The following ATAD3B variants were observed in gnomAD, a reference collection of about 807,000 sequenced individuals.
ATAD3B encodes the protein ATPase family AAA domain-containing protein 3B.
Under a neutral mutation model 70.2 loss-of-function variants are expected in ATAD3B, and 59 were observed. That is an observed-to-expected ratio of 0.84 (90% CI 0.68 to 1.04). ATAD3B has a LOEUF of 1.04. Ranked by LOEUF, ATAD3B falls within the 50% of genes least tolerant of loss-of-function variation. The probability of loss-of-function intolerance (pLI) is 0.00; values close to 1 mark genes in which losing one functional copy is unlikely to be tolerated. For missense variants in ATAD3B, 961 were observed against 913.4 expected, an observed-to-expected ratio of 1.05 and a Z score of -0.67; for synonymous variants, 423 against 388.6, an observed-to-expected ratio of 1.09 and a Z score of -1.04.
chr1:1,505,763 G>T, the ATAD3B span, among the ~76,000 whole-genome samples: 4 of 152,128 alleles, frequency 2.6e-5, no homozygotes, highest in African/African-American at 9.7e-5. Context: ...CCTAGATTAT[G>T]ATTATAGAGC....
Position 1,477,331 on chromosome 1 carries a change from A to T in ATAD3B, c.263A>T (p.Glu88Val). 6.2e-7 allele frequency: 1 copy of T among 1,612,224 alleles called. No individual in the cohort carries two copies. Among genetic ancestry groups the T allele is most frequent in the East Asian group, 2.2e-5 (1 of 44,884 alleles). ...ATGCAGGAGCAGACGCTGCAGTTGG[A>T]GCAACAGTCCAAGCTCAAAGTGAGT... The part of the protein sequence containing the change: ...AQMQEQTLQL[E>V]QQSKLKEYEA... The change falls in exon 2 of 16, where the codon GAG becomes GTG. Residue 88 changes from glutamate to valine, a missense_variant. By Grantham distance (121) the Glu-to-Val change is moderately radical. This residue lies in a region of ATAD3B where 187 missense variants were observed against 244.3 expected (regional missense o/e 0.77). Coordinates refer to ENST00000673477, the MANE Select transcript of ATAD3B (RefSeq NM_031921.6).
At chr1:1,483,588 A>C (rs1054327192) in intron 7 of ATAD3B, 1 of 163,288 alleles carries the variant, frequency 6.1e-6, no homozygotes, top group Non-Finnish European at 1.3e-5. Flanking sequence ...CCTGGCCAAC[A>C]TGGTGAAAAC....
Position 1,496,209 on chromosome 1 carries a change from T to C in ATAD3B, c.*392T>C, listed in dbSNP as rs1324855133. Reference sequence around the variant, plus strand: ...AAGTCCCACAGGTGCCTCACCGCCGTGTCTCTCTATTGACTGACACTGCTC... The same window carrying C: ...AAGTCCCACAGGTGCCTCACCGCCGCGTCTCTCTATTGACTGACACTGCTC... On this transcript the variant is annotated 3_prime_UTR_variant, in exon 16 of 16. Coordinates refer to ENST00000673477, the MANE Select transcript of ATAD3B (RefSeq NM_031921.6). 1 of 1,012,670 alleles carries C rather than the reference T, an allele frequency of 9.9e-7. No individual in the cohort carries two copies. The highest frequency in any genetic ancestry group is 1.7e-5 in the African/African-American group (1 of 58,214). The allele number at this position is 1,012,670 out of a possible 1,614,324, so 62.7% of individuals were successfully genotyped here. A position where few individuals can be genotyped will look rare whatever the true frequency, so the allele number is the denominator to read the frequency against.
rs1275605570 is a variant in ATAD3B, at chr1:1,485,105, G to A, written c.840G>A (p.Gly280=). The A allele has an allele frequency of 2.5e-6, 4 of 1,610,500 alleles. No homozygotes were observed. Among genetic ancestry groups the A allele is most frequent in the Non-Finnish European group, 3.4e-6 (4 of 1,179,258 alleles). The part of the protein sequence containing the change: ...VTGRFIEARL[G]KPSLVRETSR... ...GCCGCTTCATCGAGGCTCGGCTGGG[G>A]AAGCCGTCCCTAGTGAGGGAGACGT... Residue 280 remains glycine, a synonymous_variant, in exon 8 of 16, where the codon GGG becomes GGA. Transcript: ENST00000673477.
intron 15 of ATAD3B, 67 bp downstream of exon 15, chr1:1,490,738 C>T (rs750541941): frequency 8.5e-6 from 13 of 1,530,826 alleles, no homozygotes; most frequent in African/African-American, 1.4e-5. Flanking sequence ...TCAGTTGCGC[C>T]AGGCCTGTCC....
At chr1:1,508,520 A>G in the ATAD3B span, among the ~76,000 whole-genome samples, 8 of 151,236 alleles carry the variant, frequency 5.3e-5, 1 homozygote, top group African/African-American at 2.0e-4. Context: ...CCTCCTGAGC[A>G]CGGCGCCCAG....
At chr1:1,499,301 G>A (rs1340391875), downstream of ATAD3B, among the ~76,000 whole-genome samples, 1 of 107,652 alleles carries the variant, frequency 9.3e-6, no homozygotes, top group Non-Finnish European at 1.8e-5. Context: ...TTTTTTTTTG[G>A]TCTCGGCTTA....
intron 2 of ATAD3B, 82 bp from the exon 3 acceptor site, chr1:1,478,562 C>G (rs768857379): frequency 6.4e-6 from 10 of 1,550,446 alleles, no homozygotes; most frequent in Non-Finnish European, 8.7e-6. Context: ...TCTGCCGTGC[C>G]GGAGCTGTGC....
At chr1:1,484,330 G>C (rs1322115892) in intron 7 of ATAD3B, 2 of 151,960 alleles carry the variant, frequency 1.3e-5, no homozygotes, top group African/African-American at 4.8e-5. Flanking sequence ...ACAGGTGTCT[G>C]TCGCCACGCC....
intron 2 of ATAD3B, among the ~76,000 whole-genome samples, chr1:1,477,863 G>T (rs536883449): frequency 6.6e-6 from 1 of 152,022 alleles, no homozygotes; most frequent in Non-Finnish European, 1.5e-5. Context: ...GCGCCACCAC[G>T]CCTGGCTAAT....
intron 13 of ATAD3B, 84 bp downstream of exon 13, chr1:1,489,358 C>T: frequency 6.3e-7 from 1 of 1,596,560 alleles, no homozygotes; most frequent in Non-Finnish European, 8.6e-7. Flanking sequence ...CCCTGGCTCA[C>T]AGTGCTGGGC....
At chr1:1,495,398 G>GGC in intron 15 of ATAD3B, 87 bp from the exon 16 acceptor site, 1 of 1,498,132 alleles carries the variant, frequency 6.7e-7, no homozygotes, top group Non-Finnish European at 9.0e-7. Context: ...CCCCTGGTTT[G>GGC]GCCCCTCCCC....
downstream of ATAD3B, among the ~76,000 whole-genome samples, chr1:1,500,951 C>G (rs914825910): frequency 1.3e-4 from 20 of 152,042 alleles, 2 homozygotes; most frequent in African/African-American, 4.6e-4. Flanking sequence ...AGTGAGACTC[C>G]TCTCAAAAGC....
chr1:1,475,130 G>A (rs1288431688), intron 1 of ATAD3B, among the ~76,000 whole-genome samples: 4 of 148,648 alleles, frequency 2.7e-5, no homozygotes, highest in Non-Finnish European at 4.4e-5. Context: ...CTCCTGACCC[G>A]CAGTCCGCTC....
At position 1,485,069 on chromosome 1, in the gene ATAD3B, A is replaced by G. The variant is rs757691033; in HGVS notation, c.804A>G (p.Thr268=). The change falls in exon 8 of 16, where the codon ACA becomes ACG. Residue 268 remains threonine, a synonymous_variant. Coordinates refer to ENST00000673477, the MANE Select transcript of ATAD3B (RefSeq NM_031921.6). ...AVGVYSAKNA[T]AVTGRFIEAR... is the part of the protein sequence containing the mutation. ...GGGTCTACTCAGCCAAGAATGCGAC[A>G]GCCGTCACTGGCCGCTTCATCGAGG... 1.4e-5 allele frequency: 22 copies of G among 1,607,810 alleles called. No individual in the cohort carries two copies. Among genetic ancestry groups the G allele is most frequent in the Non-Finnish European group, 1.7e-5 (20 of 1,178,400 alleles).
intron 7 of ATAD3B, chr1:1,483,808 A>T (rs1266861702): frequency 6.6e-6 from 1 of 152,186 alleles, no homozygotes; most frequent in African/African-American, 2.4e-5. Flanking sequence ...TCTAAAAACA[A>T]AGTCAAGGGC....
chr1:1,486,028 A>C, intron 9 of ATAD3B, 82 bp from the exon 10 acceptor site: 1 of 1,605,410 alleles, frequency 6.2e-7, no homozygotes, highest in Non-Finnish European at 8.5e-7. Flanking sequence ...CAGAGTCCGC[A>C]CCCGGGCATT....
intron 1 of ATAD3B, among the ~76,000 whole-genome samples, chr1:1,474,366 A>AT (rs910187049): frequency 8.6e-5 from 12 of 139,622 alleles, no homozygotes; most frequent in Non-Finnish European, 1.2e-4. Context: ...AATTTTTTGT[A>AT]TTTTTTTTAG....
rs1448801440 is a variant in ATAD3B at position 1,490,676 on chromosome 1, G to A, written c.1614+5G>A. The A allele has an allele frequency of 2.5e-6, 4 of 1,574,598 alleles. No individual in the cohort carries two copies. The Admixed American group carries it at 5.7e-5, about 22-fold the overall frequency. The stretch of plus-strand genomic sequence containing the variant: ...CAGCTGGCCGTGTCCTGGCAGGTGA[G>A]TCAGGCTCCGGCACGTCCACCCAGA... On this transcript the variant is annotated splice_donor_5th_base_variant and intron_variant, in intron 15 of 15. Transcript: ENST00000673477.
Sources: gnomAD v4.1 joint callset for allele counts (sites outside exome capture counted in the v4.1 genomes callset) on GRCh38, gnomAD v4.1.1 for gene constraint, gnomAD v4.1.1 regional missense constraint, MANE v1.5 for transcripts, NCBI Gene and HGNC (gene_info 2026-07-23, HGNC 2026-07-21) for gene names.